PPP2R2C: variants seen among roughly 807,000 people sequenced by gnomAD.
PPP2R2C encodes the protein protein phosphatase 2 regulatory subunit Bgamma.
A neutral mutation model predicts 45.3 loss-of-function variants in PPP2R2C; 10 were observed. That is an observed-to-expected ratio of 0.22 (90% CI 0.14 to 0.37). The LOEUF (loss-of-function observed/expected upper bound fraction) is 0.37, where lower values mean the gene tolerates loss of function less well. Among genes scored for constraint, PPP2R2C ranks in the 10% least tolerant of loss-of-function variants. The pLI is 1.00. For missense variants in PPP2R2C, 308 were observed against 619.7 expected (o/e 0.50, Z 5.34); for synonymous variants, 257 against 245.4 (o/e 1.05, Z -0.44).
intron 5 of PPP2R2C, among the ~76,000 whole-genome samples, chr4:6,365,450 C>T (rs1455821474): frequency 1.3e-5 from 2 of 152,058 alleles, no homozygotes; most frequent in African/African-American, 2.4e-5. Flanking sequence ...CACCAGGCCC[C>T]ATACTCATCG....
intron 1 of PPP2R2C, among the ~76,000 whole-genome samples, chr4:6,549,054 TG>T (rs1315104142): frequency 2.6e-5 from 4 of 152,152 alleles, no homozygotes; most frequent in Non-Finnish European, 5.9e-5. Context: ...GCAAGGTGTC[TG>T]GTAAATATCT....
At chr4:6,468,377 A>G (rs976241572) in intron 1 of PPP2R2C, among the ~76,000 whole-genome samples, 1 of 152,236 alleles carries the variant, frequency 6.6e-6, no homozygotes, top group African/African-American at 2.4e-5. Flanking sequence ...CTCTGTGGGA[A>G]TAAACAGACT....
intron 1 of PPP2R2C, among the ~76,000 whole-genome samples, chr4:6,461,605 T>C (rs963603980): frequency 2.6e-5 from 4 of 152,252 alleles, no homozygotes; most frequent in African/African-American, 9.6e-5. Context: ...CGCATCACTC[T>C]GTGGAAGAGA....
intron 1 of PPP2R2C, among the ~76,000 whole-genome samples, chr4:6,539,658 G>T (rs961813916): frequency 6.6e-6 from 1 of 152,166 alleles, no homozygotes; most frequent in Non-Finnish European, 1.5e-5. Flanking sequence ...AGCGCCTGCC[G>T]ACCAGGCAGT....
rs112473797 is a variant in PPP2R2C at position 6,471,553 on chromosome 4, A to G, written c.70+607T>C. On this transcript the variant is annotated intron_variant, in intron 1 of 8. Coordinates refer to ENST00000382599, the MANE Select transcript of PPP2R2C (RefSeq NM_020416.4). This position sits in a 1 kb window ranked among gnomAD's most constrained non-coding sequence, Gnocchi z 5.6. ...AGTTAGCCCAGCTGCTCCTGTCTCA[A>G]TATAACTCACCAGGAATAAAAAGGC... 644 of 152,488 alleles carry G rather than the reference A, an allele frequency of 4.2e-3. 2 individuals carry two copies. The highest frequency in any genetic ancestry group is 0.01 in the Middle Eastern group (3 of 294). 9.4% of individuals were successfully genotyped at this position (152,488 alleles called of 1,614,324 possible). A position where few individuals can be genotyped will look rare whatever the true frequency, so the allele number is the denominator to read the frequency against.
At chr4:6,359,956 A>C (rs918568113) in intron 5 of PPP2R2C, among the ~76,000 whole-genome samples, 1 of 152,256 alleles carries the variant, frequency 6.6e-6, no homozygotes, top group Non-Finnish European at 1.5e-5. Flanking sequence ...AGCACTCCAC[A>C]AACGCCAAAA....
intron 1 of PPP2R2C, among the ~76,000 whole-genome samples, chr4:6,416,151 C>T (rs1718566285): frequency 1.3e-5 from 1 of 79,936 alleles, no homozygotes; most frequent in South Asian, 4.5e-4. Context: ...CTCTACCACC[C>T]CTGCCCACCA....
intron 1 of PPP2R2C, among the ~76,000 whole-genome samples, chr4:6,432,965 C>T (rs1470069414): frequency 6.6e-6 from 1 of 152,140 alleles, no homozygotes; most frequent in Non-Finnish European, 1.5e-5. Context: ...TGATCCCCTT[C>T]CACTTAATGA....
intron 1 of PPP2R2C, among the ~76,000 whole-genome samples, chr4:6,550,888 CTCCCACCTCAGCA>C (rs1423191992): frequency 6.6e-6 from 1 of 152,204 alleles, no homozygotes; most frequent in African/African-American, 2.4e-5. Context: ...TCAAGTGATC[CTCCCACCTCAGCA>C]TCCCAAAGTG....
chr4:6,444,481 T>A (rs1720315098), intron 1 of PPP2R2C, among the ~76,000 whole-genome samples: 1 of 152,222 alleles, frequency 6.6e-6, no homozygotes, highest in Non-Finnish European at 1.5e-5. Context: ...TGAGGACTAC[T>A]GGAAATTCCA....
chr4:6,472,041 G>A, intron 1 of PPP2R2C, 119 bp downstream of exon 1: 9 of 1,219,984 alleles, frequency 7.4e-6, no homozygotes, highest in Non-Finnish European at 9.1e-6. Flanking sequence ...GGGGTGGGGT[G>A]GGGTGGGGCG....
chr4:6,403,546 G>A (rs904343916), intron 1 of PPP2R2C, among the ~76,000 whole-genome samples: 1 of 152,214 alleles, frequency 6.6e-6, no homozygotes, highest in African/African-American at 2.4e-5. Flanking sequence ...CACGCTGGCA[G>A]AGGCTGTCTT....
rs1056953308 is a variant in PPP2R2C, at chr4:6,521,605, G to A, written c.49+13666C>T. On this transcript the variant is annotated intron_variant, in intron 2 of 9. Transcript: ENST00000506140. ...AGTCGTCTCAGGAGCCCTAACCCACGTCCCACCCCTCCAGGGCCCTCCTCT... is the reference window on the plus strand; with the variant it reads ...AGTCGTCTCAGGAGCCCTAACCCACATCCCACCCCTCCAGGGCCCTCCTCT... Among the ~76,000 whole-genome samples, 4 of 152,188 alleles carry A rather than the reference G, an allele frequency of 2.6e-5. No homozygotes were observed. In the South Asian group the frequency reaches 6.2e-4, roughly 24 times the overall value.
chr4:6,419,131 C>T (rs1327049863), intron 1 of PPP2R2C, among the ~76,000 whole-genome samples: 1 of 152,166 alleles, frequency 6.6e-6, no homozygotes, highest in African/African-American at 2.4e-5. Context: ...AAACAAATGA[C>T]AACAAAACAA....
At chr4:6,529,739 C>T (rs1042605271) in intron 2 of PPP2R2C, among the ~76,000 whole-genome samples, 1 of 152,252 alleles carries the variant, frequency 6.6e-6, no homozygotes, top group African/African-American at 2.4e-5. Flanking sequence ...GCTTTGCCCA[C>T]TGCTGTGGCC....
chr4:6,496,581 G>C (rs1394669492), intron 2 of PPP2R2C, among the ~76,000 whole-genome samples: 1 of 152,212 alleles, frequency 6.6e-6, no homozygotes, highest in African/African-American at 2.4e-5. Flanking sequence ...TCTGTGATAG[G>C]CTGGACACAG....
At position 6,512,359 on chromosome 4, in the gene PPP2R2C, ATGGTGGTGG is replaced by A. The variant is rs375130684; in HGVS notation, c.49+22903_49+22911del. 4.8e-3 allele frequency among the ~76,000 whole-genome samples: 53 copies of A among 10,980 alleles called. 4 individuals are homozygous for A. Among genetic ancestry groups the A allele is most frequent in the Non-Finnish European group, 6.9e-3 (42 of 6,100 alleles). The allele number at this position is 10,980 out of a possible 152,430, so 7.2% of individuals were successfully genotyped here. ...GATGGTGATGGTGGTGATGGTGCTG[ATGGTGGTGG>A]TGGTGGTGGTGGTGGTGGTGATGGT... On this transcript the variant is annotated intron_variant, in intron 2 of 9. Transcript: ENST00000506140.
At chr4:6,438,013 G>A (rs1164743655) in intron 1 of PPP2R2C, among the ~76,000 whole-genome samples, 1 of 152,182 alleles carries the variant, frequency 6.6e-6, no homozygotes, top group African/African-American at 2.4e-5. Context: ...GTTTTACCAG[G>A]TTTTCTGGAG....
At position 6,510,990 on chromosome 4, in the gene PPP2R2C, C is replaced by CA. The variant is rs1389589810; in HGVS notation, c.49+24280dup. The stretch of plus-strand genomic sequence containing the variant: ...AGACTCCGTCTCAAACAAAAAAAAA[C>CA]AAACAAACAAAAAAAAAAACAGAAA... On this transcript the variant is annotated intron_variant, in intron 2 of 9. Transcript: ENST00000506140. Among the ~76,000 whole-genome samples, 815 of 130,886 alleles carry CA rather than the reference C, an allele frequency of 6.2e-3. 18 individuals carry two copies. Among genetic ancestry groups the CA allele is most frequent in the South Asian group, 0.02 (87 of 4,440 alleles). 85.9% of individuals were successfully genotyped at this position (130,886 alleles called of 152,430 possible).
Sources: gnomAD v4.1 joint callset for allele counts (sites outside exome capture counted in the v4.1 genomes callset) on GRCh38, gnomAD v4.1.1 for gene constraint, Gnocchi (gnomAD v3.1) non-coding constraint, MANE v1.5 for transcripts, NCBI Gene and HGNC (gene_info 2026-07-23, HGNC 2026-07-21) for gene names.